MICAL2: variants seen among roughly 807,000 people sequenced by gnomAD.
MICAL2 encodes microtubule associated monooxygenase, calponin and LIM domain containing 2, also known as [F-actin]-monooxygenase MICAL2.
MICAL2 carries 77 observed loss-of-function variants against 127.3 expected under a neutral mutation model. That is an observed-to-expected ratio of 0.60 (90% CI 0.50 to 0.73). MICAL2 has a LOEUF of 0.73. MICAL2 is among the 30% of genes least tolerant of loss of function. The probability of loss-of-function intolerance (pLI) is 0.00; values close to 1 mark genes in which losing one functional copy is unlikely to be tolerated. For synonymous variants in MICAL2, 570 were observed against 551.1 expected, an observed-to-expected ratio of 1.03 and a Z score of -0.48; for missense variants, 1,351 against 1,434.4, an observed-to-expected ratio of 0.94 and a Z score of 0.94.
intron 10 of MICAL2, among the ~76,000 whole-genome samples, chr11:12,222,225 G>A (rs185179927): frequency 4.4e-4 from 67 of 152,306 alleles, no homozygotes; most frequent in African/African-American, 1.4e-3. Flanking sequence ...GTGGACGGGG[G>A]GAGGTCAGGG....
chr11:12,323,377 G>A (rs1864321446), intron 30 of MICAL2, among the ~76,000 whole-genome samples: 1 of 152,028 alleles, frequency 6.6e-6, no homozygotes, highest in African/African-American at 2.4e-5. Context: ...GGTTTAATTA[G>A]CCACTGTAGA....
intron 32 of MICAL2, among the ~76,000 whole-genome samples, chr11:12,331,531 C>T (rs933208018): frequency 1.3e-5 from 2 of 152,080 alleles, no homozygotes; most frequent in African/African-American, 4.8e-5. Flanking sequence ...TCTCCAGGAC[C>T]GGGGAGGTAG....
At chr11:12,155,744 G>A (rs1218223748) in intron 2 of MICAL2, among the ~76,000 whole-genome samples, 4 of 152,262 alleles carry the variant, frequency 2.6e-5, no homozygotes, top group East Asian at 1.9e-4. Flanking sequence ...CCACATAGAC[G>A]TGTTTTGAGG....
intron 3 of MICAL2, among the ~76,000 whole-genome samples, chr11:12,164,471 G>T (rs991348140): frequency 6.6e-6 from 1 of 152,158 alleles, no homozygotes; most frequent in Non-Finnish European, 1.5e-5. Flanking sequence ...TAACCACAAA[G>T]AACAGGAAAA....
intron 7 of MICAL2, among the ~76,000 whole-genome samples, chr11:12,215,043 A>T (rs930129211): frequency 2.6e-5 from 4 of 152,200 alleles, no homozygotes; most frequent in African/African-American, 9.7e-5. Context: ...TATTCCATTA[A>T]AAGCTTGAAT....
chr11:12,329,542 T>A (rs1671245929), intron 32 of MICAL2, among the ~76,000 whole-genome samples: 1 of 152,178 alleles, frequency 6.6e-6, no homozygotes, highest in South Asian at 2.1e-4. Flanking sequence ...TCTATTCCAC[T>A]CCGCTTAGGC....
intron 32 of MICAL2, among the ~76,000 whole-genome samples, chr11:12,333,394 C>T (rs1590741736): frequency 6.6e-6 from 1 of 151,786 alleles, no homozygotes; most frequent in Non-Finnish European, 1.5e-5. Flanking sequence ...ATAGAACTTT[C>T]TTAATTGAAA....
downstream of MICAL2, among the ~76,000 whole-genome samples, chr11:12,288,729 G>C (rs563336624): frequency 1.8e-4 from 28 of 152,280 alleles, no homozygotes; most frequent in African/African-American, 6.3e-4. Context: ...GCTGGACTGC[G>C]TACAAAGGGA....
At chr11:12,189,005 C>T (rs1325716783) in intron 3 of MICAL2, among the ~76,000 whole-genome samples, 1 of 152,218 alleles carries the variant, frequency 6.6e-6, no homozygotes, top group African/African-American at 2.4e-5. Flanking sequence ...CCTCTCCCCT[C>T]CCACTCCCTA....
downstream of MICAL2, chr11:12,294,263 C>T (rs775989653): frequency 6.3e-5 from 102 of 1,614,026 alleles, no homozygotes; most frequent in Non-Finnish European, 8.3e-5. Flanking sequence ...CAATGCCATC[C>T]GAAGGTCTCT....
intron 32 of MICAL2, among the ~76,000 whole-genome samples, chr11:12,336,509 G>T (rs887706881): frequency 2.6e-5 from 4 of 152,202 alleles, no homozygotes; most frequent in African/African-American, 9.7e-5. Flanking sequence ...AGTGGTGAGA[G>T]AGGGCCTCCC....
intron 32 of MICAL2, among the ~76,000 whole-genome samples, chr11:12,341,691 G>A (rs929520203): frequency 6.6e-6 from 1 of 152,214 alleles, no homozygotes; most frequent in Admixed American, 6.5e-5. Context: ...GCCGAGCATG[G>A]TGGCGCATGC....
At chr11:12,118,448 C>G (rs1367043689) in intron 1 of MICAL2, among the ~76,000 whole-genome samples, 2 of 149,790 alleles carry the variant, frequency 1.3e-5, no homozygotes, top group Non-Finnish European at 2.9e-5. Flanking sequence ...CTTCCTGCGG[C>G]CTGCTGAAGA....
chr11:12,285,380 C>A (rs1181551176), intron 2 of MICAL2, among the ~76,000 whole-genome samples: 1 of 152,204 alleles, frequency 6.6e-6, no homozygotes, highest in Non-Finnish European at 1.5e-5. Context: ...AATTTCTAAT[C>A]TTGCGGCTAA....
In MICAL2 at chr11:12,261,906, A is replaced by C. The variant is rs77266447; in HGVS notation, c.3335-574A>C. ...TCCTTTTGTTTGAGTATAGAAAGTA[A>C]ATTTTTGAGGTCATGATGTGAACGG... On this transcript the variant is annotated intron_variant, in intron 26 of 27. Transcript: ENST00000683283. The C allele has an allele frequency of 1.5e-5, 15 of 986,252 alleles. No homozygotes were observed. In the East Asian group the frequency reaches 7.9e-4, roughly 52 times the overall value. The allele number at this position is 986,252 out of a possible 1,614,324, so 61.1% of individuals were successfully genotyped here.
chr11:12,249,002 T>C (rs1010530000), intron 21 of MICAL2, among the ~76,000 whole-genome samples, 182 bp from the exon 22 acceptor site: 1 of 152,210 alleles, frequency 6.6e-6, no homozygotes, highest in African/African-American at 2.4e-5. Flanking sequence ...TGAGCATTAG[T>C]TTCTTAACCT....
intron 33 of MICAL2, among the ~76,000 whole-genome samples, chr11:12,354,330 A>G (rs7939635): frequency 0.033 from 5,025 of 152,296 alleles, 299 homozygotes; most frequent in African/African-American, 0.11. Context: ...GACAAAAATT[A>G]GCCCAGTGGC....
intron 3 of MICAL2, among the ~76,000 whole-genome samples, chr11:12,196,400 G>A (rs151090408): frequency 7.9e-5 from 12 of 152,158 alleles, no homozygotes; most frequent in East Asian, 1.9e-4. Context: ...GCTGGATTCC[G>A]TGGGATATTC....
At chr11:12,211,045 T>C (rs1855392426) in intron 6 of MICAL2, among the ~76,000 whole-genome samples, 1 of 152,122 alleles carries the variant, frequency 6.6e-6, no homozygotes, top group African/African-American at 2.4e-5. Flanking sequence ...TTGACAAAGG[T>C]CTAATGAAGG....
Sources: allele counts gnomAD v4.1 joint callset (sites outside exome capture counted in the v4.1 genomes callset), GRCh38; gene constraint gnomAD v4.1.1; transcripts MANE v1.5; gene names NCBI Gene and HGNC (gene_info 2026-07-23, HGNC 2026-07-21).